The following ADGRL2 variants were observed in gnomAD, a reference collection of about 807,000 sequenced individuals.
The protein encoded by ADGRL2 is adhesion G protein-coupled receptor L2.
In ADGRL2, 44 loss-of-function variants were observed where a neutral mutation model predicts 157.4. The ratio of observed to expected loss-of-function variants is 0.28; its 90% CI spans 0.22 to 0.36. ADGRL2 has a LOEUF of 0.36. Ranked by LOEUF, ADGRL2 falls within the 10% of genes least tolerant of loss-of-function variation. The pLI is 1.00. For missense variants in ADGRL2, 1,510 were observed against 1,768.9 expected (o/e 0.85, Z 2.63); for synonymous variants, 585 against 624.7 (o/e 0.94, Z 0.95).
intron 2 of ADGRL2, among the ~76,000 whole-genome samples, chr1:81,777,502 G>A (rs1034951796): frequency 6.6e-5 from 10 of 152,210 alleles, no homozygotes; most frequent in Middle Eastern, 3.2e-3. Flanking sequence ...TGGGCATGGT[G>A]GCTCACACCT....
intron 1 of ADGRL2, among the ~76,000 whole-genome samples, chr1:81,358,952 GTTAA>G (rs1360563644): frequency 6.6e-6 from 1 of 152,032 alleles, no homozygotes; most frequent in Non-Finnish European, 1.5e-5. Flanking sequence ...CTGGTCAGAA[GTTAA>G]TTAGAGGAAG....
At chr1:81,694,674 C>G (rs2083407920) in intron 3 of ADGRL2, among the ~76,000 whole-genome samples, 1 of 151,856 alleles carries the variant, frequency 6.6e-6, no homozygotes, top group Admixed American at 6.6e-5. Flanking sequence ...GAAATGAGAC[C>G]AGGTCCCATA....
At chr1:81,331,730 C>T (rs1053120744) in intron 1 of ADGRL2, among the ~76,000 whole-genome samples, 1 of 152,098 alleles carries the variant, frequency 6.6e-6, no homozygotes, top group African/African-American at 2.4e-5. Flanking sequence ...TGCCATTTTA[C>T]ATGCCATAGA....
intron 17 of ADGRL2, among the ~76,000 whole-genome samples, chr1:81,972,183 C>CAT (rs1205587048): frequency 2.2e-4 from 34 of 151,932 alleles, no homozygotes; most frequent in Non-Finnish European, 7.4e-5. Flanking sequence ...AACATGCTTA[C>CAT]ATATAGGCCA....
chr1:81,513,994 C>A (rs898347240), intron 2 of ADGRL2: 3 of 152,142 alleles, frequency 2.0e-5, no homozygotes, highest in African/African-American at 7.2e-5. Context: ...GAGACACAGG[C>A]TCCCACAATG....
chr1:81,498,778 TTGTTA>T (rs2078781863), intron 2 of ADGRL2, among the ~76,000 whole-genome samples: 1 of 152,114 alleles, frequency 6.6e-6, no homozygotes, highest in African/African-American at 2.4e-5. Context: ...TCAACTTACA[TTGTTA>T]TGTTTGGGGA....
At chr1:81,410,295 G>C (rs1014940431) in intron 1 of ADGRL2, among the ~76,000 whole-genome samples, 2 of 152,132 alleles carry the variant, frequency 1.3e-5, no homozygotes, top group Non-Finnish European at 2.9e-5. Context: ...TTTGTATTAG[G>C]TCCTGCATTG....
At chr1:81,986,776 C>A (rs1273450745) in intron 21 of ADGRL2, 125 bp from the exon 22 acceptor site, 44 of 874,220 alleles carry the variant, frequency 5.0e-5, no homozygotes, top group Non-Finnish European at 7.3e-5. Context: ...AACAGATTTT[C>A]CATTGCCAAC....
intron 2 of ADGRL2, among the ~76,000 whole-genome samples, chr1:81,518,382 C>G (rs1295923855): frequency 6.6e-6 from 1 of 152,178 alleles, no homozygotes; most frequent in African/African-American, 2.4e-5. Flanking sequence ...ACTAGCCCAA[C>G]CTGTGCCTGA....
At chr1:81,533,798 C>T (rs560771656) in intron 2 of ADGRL2, among the ~76,000 whole-genome samples, 13 of 152,200 alleles carry the variant, frequency 8.5e-5, no homozygotes, top group Non-Finnish European at 1.6e-4. Context: ...CTCCCACCCA[C>T]ACCCTCACAC....
chr1:81,897,461 A>G (rs1047219651), intron 2 of ADGRL2, among the ~76,000 whole-genome samples: 14 of 152,168 alleles, frequency 9.2e-5, no homozygotes, highest in African/African-American at 3.4e-4. Context: ...TATAACTGAA[A>G]TATGTTTTCA....
chr1:81,334,837 G>C (rs543701738), intron 1 of ADGRL2, among the ~76,000 whole-genome samples: 1 of 152,280 alleles, frequency 6.6e-6, no homozygotes, highest in African/African-American at 2.4e-5. Context: ...GGGACACTAA[G>C]AATCCTCACA....
chr1:81,460,841 T>C (rs2077911343), intron 2 of ADGRL2, among the ~76,000 whole-genome samples: 1 of 152,236 alleles, frequency 6.6e-6, no homozygotes, highest in South Asian at 2.1e-4. Context: ...CAGTGGACTG[T>C]CTTCCTTGCA....
intron 2 of ADGRL2, among the ~76,000 whole-genome samples, chr1:81,877,173 T>C (rs2093862916): frequency 1.3e-5 from 2 of 152,144 alleles, no homozygotes; most frequent in African/African-American, 4.8e-5. Flanking sequence ...TTTCTCAGGA[T>C]TGACTTTCCC....
chr1:81,953,655 G>A lies in ADGRL2; in HGVS notation c.1833+630G>A, dbSNP rs147339090. Among the ~76,000 whole-genome samples the A allele has an allele frequency of 9.1e-4, 139 of 152,220 alleles. 1 individual carries two copies. Among genetic ancestry groups the A allele is most frequent in the Admixed American group, 5.8e-3 (89 of 15,268 alleles). On this transcript the variant is annotated intron_variant, in intron 10 of 23. Transcript: ENST00000686636. The stretch of plus-strand genomic sequence containing the variant: ...TCCACTCCAGCCGGGTTTTCTCCCT[G>A]GTATATCCAAGTAATAGGAAACATG...
chr1:81,417,291 A>G (rs777005997), intron 1 of ADGRL2, among the ~76,000 whole-genome samples: 23 of 152,172 alleles, frequency 1.5e-4, no homozygotes, highest in Non-Finnish European at 2.5e-4. Flanking sequence ...AATTGCTATT[A>G]TGTGACTCCT....
intron 2 of ADGRL2, among the ~76,000 whole-genome samples, chr1:81,772,146 A>G (rs2086397974): frequency 6.6e-6 from 1 of 151,362 alleles, no homozygotes; most frequent in Non-Finnish European, 1.5e-5. Flanking sequence ...GCTACTTGAG[A>G]GGCTGAGGCA....
At chr1:81,742,159 A>T (rs1020918334) in intron 1 of ADGRL2, among the ~76,000 whole-genome samples, 1 of 151,812 alleles carries the variant, frequency 6.6e-6, no homozygotes, top group African/African-American at 2.4e-5. Flanking sequence ...ATTTCTTTAA[A>T]TTTTTTTCTC....
rs540712429 is a variant in ADGRL2 at position 81,893,114 on chromosome 1, G to A, written c.74-13903G>A. Among the ~76,000 whole-genome samples, 3 of 152,192 alleles carry A rather than the reference G, an allele frequency of 2.0e-5. No homozygotes were observed. In the East Asian group the frequency reaches 5.8e-4, roughly 29 times the overall value. On this transcript the variant is annotated intron_variant, in intron 2 of 23. Transcript: ENST00000686636. ...ATGTGTTCATTGTTACATCTTCTGT[G>A]CCAGGCATGGAGATAGGCACAGTGC...
Sources: allele counts gnomAD v4.1 joint callset (sites outside exome capture counted in the v4.1 genomes callset), GRCh38; gene constraint gnomAD v4.1.1; transcripts MANE v1.5; gene names NCBI Gene and HGNC (gene_info 2026-07-23, HGNC 2026-07-21).